TNR: variants seen among roughly 807,000 people sequenced by gnomAD.
TNR encodes the protein tenascin-R.
A neutral mutation model predicts 150.4 loss-of-function variants in TNR; 45 were observed. That is an observed-to-expected ratio of 0.30 (90% confidence interval 0.24 to 0.38). The LOEUF (loss-of-function observed/expected upper bound fraction) is 0.38. TNR is among the 10% of genes least tolerant of loss of function. TNR has a pLI of 1.00. For synonymous variants in TNR, 687 were observed against 678.4 expected, an observed-to-expected ratio of 1.01 and a Z score of -0.20; for missense variants, 1,544 against 1,759.1, an observed-to-expected ratio of 0.88 and a Z score of 2.19.
chr1:175,414,788 T>G (rs947654873), intron 2 of TNR, among the ~76,000 whole-genome samples: 1 of 152,192 alleles, frequency 6.6e-6, no homozygotes, highest in Non-Finnish European at 1.5e-5. Context: ...CTCTGACTTT[T>G]GAGGGACTGG....
rs536639599 is a variant in TNR, at chr1:175,708,551, C to A, written c.-165+34675G>T. On this transcript the variant is annotated intron_variant, in intron 1 of 22. Transcript: ENST00000367674. Reference sequence around the variant, plus strand: ...TTTGTAACGGGAAGGAAGCATCCACCATGTGCCAAGCACTTGGCTTCCTTC... The same window carrying A: ...TTTGTAACGGGAAGGAAGCATCCACAATGTGCCAAGCACTTGGCTTCCTTC... 5.6e-4 allele frequency among the ~76,000 whole-genome samples: 85 copies of A among 152,306 alleles called. 1 individual carries two copies. The highest frequency in any genetic ancestry group is 2.0e-3 in the African/African-American group (83 of 41,544).
intron 15 of TNR, among the ~76,000 whole-genome samples, chr1:175,359,032 G>T (rs1426260781): frequency 6.7e-6 from 1 of 150,054 alleles, no homozygotes; most frequent in Non-Finnish European, 1.5e-5. Context: ...TAGGGCTATT[G>T]CTCTGTTTTT....
chr1:175,394,373 G>T (rs9425442), intron 5 of TNR, among the ~76,000 whole-genome samples: 30,820 of 152,142 alleles, frequency 0.2, 3,219 homozygotes, highest in Middle Eastern at 0.29. Context: ...GGCTAAAGTT[G>T]TGGAGCAAAC....
At chr1:175,510,727 G>C (rs959685824) in intron 2 of TNR, among the ~76,000 whole-genome samples, 2 of 152,218 alleles carry the variant, frequency 1.3e-5, no homozygotes, top group Non-Finnish European at 2.9e-5. Flanking sequence ...TTCAAAGCAA[G>C]TTTATTCTAT....
intron 8 of TNR, among the ~76,000 whole-genome samples, chr1:175,380,722 G>GCTAT (rs2102026598): frequency 6.6e-6 from 1 of 152,258 alleles, no homozygotes; most frequent in East Asian, 1.9e-4. Context: ...CCCAGGACTG[G>GCTAT]CTATCTCCTC....
intron 20 of TNR, among the ~76,000 whole-genome samples, chr1:175,331,241 C>A (rs1649910677): frequency 4.4e-5 from 5 of 114,606 alleles, no homozygotes; most frequent in Admixed American, 2.2e-4. Context: ...TCCCCTCCTT[C>A]CCTCCCTCCC....
chr1:175,369,987 G>A (rs1438543208), intron 9 of TNR, among the ~76,000 whole-genome samples: 4 of 152,228 alleles, frequency 2.6e-5, no homozygotes, highest in South Asian at 2.1e-4. Flanking sequence ...GTAGGCATTC[G>A]AATCAGCCCT....
At chr1:175,613,627 T>G (rs1663670834) in intron 1 of TNR, among the ~76,000 whole-genome samples, 1 of 152,128 alleles carries the variant, frequency 6.6e-6, no homozygotes, top group Admixed American at 6.6e-5. Context: ...CTTGGTGCTG[T>G]GGGTGTGTCA....
intron 1 of TNR, among the ~76,000 whole-genome samples, chr1:175,570,920 C>A (rs147113089): frequency 6.6e-6 from 1 of 152,264 alleles, no homozygotes; most frequent in African/African-American, 2.4e-5. Flanking sequence ...TTGGAGGCTA[C>A]TCCTCCTTCT....
chr1:175,652,064 C>G (rs1033401489), intron 1 of TNR, among the ~76,000 whole-genome samples: 13 of 148,578 alleles, frequency 8.7e-5, no homozygotes, highest in African/African-American at 2.9e-4. Context: ...CTGATAAAAG[C>G]TATATACTAA....
chr1:175,495,573 C>A (rs1258785828), intron 2 of TNR, among the ~76,000 whole-genome samples: 1 of 152,098 alleles, frequency 6.6e-6, no homozygotes, highest in Non-Finnish European at 1.5e-5. Context: ...TCTATAATAC[C>A]CCCACTGTAC....
intron 1 of TNR, among the ~76,000 whole-genome samples, chr1:175,587,478 G>C (rs1469222024): frequency 1.3e-5 from 2 of 152,166 alleles, no homozygotes; most frequent in African/African-American, 4.8e-5. Context: ...ATGTAGTTAA[G>C]AATCTAGCTC....
chr1:175,338,784 C>T (rs1169606521), intron 18 of TNR, among the ~76,000 whole-genome samples: 2 of 152,124 alleles, frequency 1.3e-5, no homozygotes, highest in African/African-American at 2.4e-5. Flanking sequence ...AGCAACCTCA[C>T]TGAAAACCCT....
intron 2 of TNR, among the ~76,000 whole-genome samples, chr1:175,427,432 C>T (rs546443506): frequency 7.9e-5 from 12 of 151,954 alleles, no homozygotes; most frequent in Middle Eastern, 3.4e-3. Context: ...ATGTATGTTG[C>T]TTTTTTATAC....
At chr1:175,685,853 G>GT (rs11435846) in intron 1 of TNR, among the ~76,000 whole-genome samples, 79,939 of 147,760 alleles carry the variant, frequency 0.54, 21,840 homozygotes, top group East Asian at 0.85. Flanking sequence ...ACCATTAGCT[G>GT]TTTTTTTTTT....
intron 15 of TNR, 82 bp downstream of exon 15, chr1:175,359,530 T>C: frequency 6.2e-7 from 1 of 1,604,660 alleles, no homozygotes. Context: ...AAAAAATGTT[T>C]TGTTTATTCA....
At chr1:175,399,616 A>G (rs1455315223) in intron 4 of TNR, among the ~76,000 whole-genome samples, 1 of 152,226 alleles carries the variant, frequency 6.6e-6, no homozygotes, top group Non-Finnish European at 1.5e-5. Context: ...AGTAATCCTT[A>G]TAAAAGAAAA....
rs773684578 is a variant in TNR at position 175,391,350 on chromosome 1, A to G, written c.1445T>C (p.Val482Ala). The G allele has an allele frequency of 1.9e-6, 3 of 1,614,154 alleles. No homozygotes were observed. Among genetic ancestry groups the G allele is most frequent in the East Asian group, 2.2e-5 (1 of 44,878 alleles). Reference sequence around the variant, plus strand: ...CTGTTCTTTCAGAGCCACCACATTGACAATGTATTCCTCCCCAGGCTTTAG... The same window carrying G: ...CTGTTCTTTCAGAGCCACCACATTGGCAATGTATTCCTCCCCAGGCTTTAG... Reference protein sequence around the residue: ...TGLKPGEEYIVNVVALKEQAR... With the variant: ...TGLKPGEEYIANVVALKEQAR... The change falls in exon 7 of 23, where the codon GTC becomes GCC. Residue 482 changes from valine (V) to alanine (A), a missense_variant. Transcript: ENST00000367674.
rs1553251717 is a variant in TNR, at chr1:175,657,883, A to ATGTG, written c.-165+85342_-165+85343insCACA. On this transcript the variant is annotated intron_variant, in intron 1 of 22. Coordinates refer to ENST00000367674, the MANE Select transcript of TNR (RefSeq NM_003285.3). ...TATATATATATATATATATATATATATGTAACAAACCTGCACGTTGTGCAC... is the reference window on the plus strand; with the variant it reads ...TATATATATATATATATATATATATATGTGTGTAACAAACCTGCACGTTGTGCAC... Among the ~76,000 whole-genome samples the ATGTG allele has an allele frequency of 2.7e-3, 273 of 101,082 alleles. 20 individuals are homozygous for ATGTG. Among genetic ancestry groups the ATGTG allele is most frequent in the South Asian group, 0.013 (36 of 2,774 alleles). 66.3% of individuals were successfully genotyped at this position (101,082 alleles called of 152,430 possible). A position where few individuals can be genotyped will look rare whatever the true frequency, so the allele number is the denominator to read the frequency against.
Sources: allele counts gnomAD v4.1 joint callset (sites outside exome capture counted in the v4.1 genomes callset), GRCh38; gene constraint gnomAD v4.1.1; transcripts MANE v1.5; gene names NCBI Gene and HGNC (gene_info 2026-07-23, HGNC 2026-07-21).